The following AMOTL1 variants were observed in gnomAD, a reference collection of about 807,000 sequenced individuals.
AMOTL1 encodes angiomotin like 1, also known as angiomotin-like protein 1.
AMOTL1 carries 45 observed loss-of-function variants against 102.9 expected under a neutral mutation model. That is an observed-to-expected ratio of 0.44 (90% CI 0.34 to 0.56). The LOEUF (loss-of-function observed/expected upper bound fraction) is 0.56. AMOTL1 is among the 20% of genes least tolerant of loss of function. The pLI is 0.01. For missense variants in AMOTL1, 1,114 were observed against 1,225.6 expected (o/e 0.91, Z 1.36); for synonymous variants, 481 against 484.7 (o/e 0.99, Z 0.10).
chr11:94,775,260 T>C (rs969919588), intron 1 of AMOTL1, among the ~76,000 whole-genome samples: 3 of 152,222 alleles, frequency 2.0e-5, no homozygotes, highest in Admixed American at 6.5e-5. Context: ...CATAGACATA[T>C]GCAGGGACCA....
At chr11:94,853,624 A>G (rs1369568388) in intron 7 of AMOTL1, among the ~76,000 whole-genome samples, 7 of 152,296 alleles carry the variant, frequency 4.6e-5, no homozygotes, top group African/African-American at 1.4e-4. Context: ...CTCACTTCCA[A>G]TGCCTGAAAA....
intron 3 of AMOTL1, among the ~76,000 whole-genome samples, chr11:94,811,843 A>C (rs1243580374): frequency 1.3e-5 from 2 of 152,190 alleles, no homozygotes; most frequent in African/African-American, 4.8e-5. Flanking sequence ...CTTACCTAGG[A>C]GTGGGGCTCA....
chr11:94,769,936 G>A (rs1950920236), intron 1 of AMOTL1, among the ~76,000 whole-genome samples: 1 of 152,140 alleles, frequency 6.6e-6, no homozygotes, highest in Non-Finnish European at 1.5e-5. Flanking sequence ...AAGCAGTAAC[G>A]TGCTAACCTG....
chr11:94,791,722 C>A (rs1398693850), intron 1 of AMOTL1, among the ~76,000 whole-genome samples: 2 of 152,336 alleles, frequency 1.3e-5, no homozygotes, highest in African/African-American at 4.8e-5. Flanking sequence ...TGGTTTCTCC[C>A]AGCTCTCGCT....
intron 6 of AMOTL1, among the ~76,000 whole-genome samples, chr11:94,838,012 C>T (rs1356856282): frequency 6.6e-6 from 1 of 152,228 alleles, no homozygotes; most frequent in Non-Finnish European, 1.5e-5. Flanking sequence ...AATCCATGTT[C>T]AGGCCTAAGC....
chr11:94,762,515 G>C (rs1226324225), intron 3 of AMOTL1, among the ~76,000 whole-genome samples: 1 of 152,180 alleles, frequency 6.6e-6, no homozygotes, highest in Non-Finnish European at 1.5e-5. Flanking sequence ...CAGAGGGCCA[G>C]GGTTGAGAAA....
At chr11:94,744,454 T>G (rs745406090) in intron 3 of AMOTL1, among the ~76,000 whole-genome samples, 9 of 152,010 alleles carry the variant, frequency 5.9e-5, no homozygotes, top group Non-Finnish European at 1.3e-4. Context: ...ACCTCCTCAT[T>G]TAGGGTTTTT....
intron 3 of AMOTL1, among the ~76,000 whole-genome samples, chr11:94,753,461 T>C (rs969354743): frequency 8.5e-5 from 13 of 152,242 alleles, no homozygotes; most frequent in African/African-American, 2.9e-4. Context: ...AATAGCTTTA[T>C]TAAATGCATT....
chr11:94,738,205 A>AGGG (rs1950462614), intron 2 of AMOTL1, among the ~76,000 whole-genome samples: 1 of 152,054 alleles, frequency 6.6e-6, no homozygotes, highest in Admixed American at 6.5e-5. Context: ...CACTAGCTCC[A>AGGG]TTTGATTTTA....
At chr11:94,833,196 A>G (rs1952108921) in intron 6 of AMOTL1, among the ~76,000 whole-genome samples, 1 of 152,226 alleles carries the variant, frequency 6.6e-6, no homozygotes, top group Non-Finnish European at 1.5e-5. Context: ...TCGATATGTA[A>G]TGTAATTGAA....
intron 6 of AMOTL1, among the ~76,000 whole-genome samples, chr11:94,837,471 A>C (rs896357870): frequency 6.6e-6 from 1 of 152,210 alleles, no homozygotes; most frequent in South Asian, 2.1e-4. Flanking sequence ...ATGTTCCCAA[A>C]GAATGCCTGC....
chr11:94,865,794 G>T, intron 10 of AMOTL1, 148 bp from the exon 11 acceptor site: 1 of 690,004 alleles, frequency 1.4e-6, no homozygotes, highest in Non-Finnish European at 2.4e-6. Context: ...TTAACAATTT[G>T]GAGATTATCA....
chr11:94,824,403 T>C (rs1951925747), intron 4 of AMOTL1, among the ~76,000 whole-genome samples: 1 of 152,170 alleles, frequency 6.6e-6, no homozygotes, highest in African/African-American at 2.4e-5. Flanking sequence ...GTCAGTGACG[T>C]TACATGAGGA....
At chr11:94,745,706 T>C (rs1490705293) in intron 3 of AMOTL1, among the ~76,000 whole-genome samples, 2 of 152,210 alleles carry the variant, frequency 1.3e-5, no homozygotes, top group African/African-American at 4.8e-5. Context: ...GTATGTAAAG[T>C]CCATGTATTG....
At position 94,799,634 on chromosome 11, in the gene AMOTL1, C is replaced by G; in HGVS notation, c.444C>G (p.Asp148Glu). 1 of 1,613,948 alleles carries G rather than the reference C, an allele frequency of 6.2e-7. No individual in the cohort carries two copies. The highest frequency in any genetic ancestry group is 8.5e-7 in the Non-Finnish European group (1 of 1,179,894). ...CCACGGAAAACCTCACTCAAGAAGACCCACAAATGGTCTACCAGTCAGCAC... is the reference window on the plus strand; with the variant it reads ...CCACGGAAAACCTCACTCAAGAAGAGCCACAAATGGTCTACCAGTCAGCAC... Reference protein sequence around the residue: ...FSSTENLTQEDPQMVYQSARQ... With the variant: ...FSSTENLTQEEPQMVYQSARQ... Residue 148 changes from aspartate (D) to glutamate (E), a missense_variant, in exon 3 of 13, where the codon GAC becomes GAG. Coordinates refer to ENST00000433060, the MANE Select transcript of AMOTL1 (RefSeq NM_130847.3). The surrounding 1 kb of genome is among the most constrained non-coding windows in gnomAD (Gnocchi z 4.5).
At chr11:94,767,688 C>G (rs1249045461), upstream of AMOTL1, among the ~76,000 whole-genome samples, 2 of 152,194 alleles carry the variant, frequency 1.3e-5, no homozygotes, top group Non-Finnish European at 2.9e-5. Context: ...ATGAGTAGTT[C>G]TCAGCACAGC....
In AMOTL1 at chr11:94,800,234, C is replaced by G; in HGVS notation, c.1044C>G (p.Pro348=). Residue 348 remains proline (P), a synonymous_variant, in exon 3 of 13, where the codon CCC becomes CCG. Transcript: ENST00000433060. ...GGATGCTCCACGAGATGGTCAAGCCCTACCCTGCTCCTCAGCCTGTGAGAA... is the reference window on the plus strand; with the variant it reads ...GGATGCTCCACGAGATGGTCAAGCCGTACCCTGCTCCTCAGCCTGTGAGAA... ...HPGMLHEMVK[P]YPAPQPVRTD... is the part of the protein sequence containing the mutation. The G allele has an allele frequency of 6.2e-7, 1 of 1,614,024 alleles. No homozygotes were observed.
chr11:94,854,638 A>G (rs1438836543), intron 8 of AMOTL1, among the ~76,000 whole-genome samples: 1 of 152,116 alleles, frequency 6.6e-6, no homozygotes, highest in Non-Finnish European at 1.5e-5. Context: ...ATGATGCAAG[A>G]GATCAGGGAG....
At chr11:94,816,374 T>C (rs1951766341) in intron 3 of AMOTL1, among the ~76,000 whole-genome samples, 1 of 152,310 alleles carries the variant, frequency 6.6e-6, no homozygotes, top group East Asian at 1.9e-4. Flanking sequence ...CTAAAAATTT[T>C]TACTTGTTAC....
Sources: allele counts gnomAD v4.1 joint callset (sites outside exome capture counted in the v4.1 genomes callset), GRCh38; gene constraint gnomAD v4.1.1; non-coding constraint Gnocchi (gnomAD v3.1); transcripts MANE v1.5; gene names NCBI Gene and HGNC (gene_info 2026-07-23, HGNC 2026-07-21).